The following PRELID2 variants were observed in gnomAD, a reference collection of about 807,000 sequenced individuals.
PRELID2 encodes PRELI domain containing 2, also known as PRELI domain-containing protein 2.
Under a neutral mutation model 28.4 loss-of-function variants are expected in PRELID2, and 25 were observed. That is an observed-to-expected ratio of 0.88 (90% confidence interval 0.64 to 1.23). The LOEUF (loss-of-function observed/expected upper bound fraction) is 1.23. Among genes scored for constraint, PRELID2 ranks in the 50% most tolerant of loss-of-function variants. The pLI is 0.00. For missense variants in PRELID2, 201 were observed against 214.4 expected, an observed-to-expected ratio of 0.94 and a Z score of 0.39; for synonymous variants, 76 against 71.6, an observed-to-expected ratio of 1.06 and a Z score of -0.31.
chr5:145,774,593 A>C (rs1758299159), intron 5 of PRELID2, among the ~76,000 whole-genome samples: 1 of 152,182 alleles, frequency 6.6e-6, no homozygotes, highest in African/African-American at 2.4e-5. Context: ...CCCCACATTC[A>C]GCTAGAGGCT....
chr5:145,334,879 T>C, the PRELID2 span, among the ~76,000 whole-genome samples: 1 of 152,138 alleles, frequency 6.6e-6, no homozygotes, highest in South Asian at 2.1e-4. Context: ...TCCTTGTGTG[T>C]CAAGTTGCTT....
At chr5:145,276,892 C>T in the PRELID2 span, among the ~76,000 whole-genome samples, 1 of 152,116 alleles carries the variant, frequency 6.6e-6, no homozygotes, top group Non-Finnish European at 1.5e-5. Flanking sequence ...ATGGTTATTT[C>T]CCCATTTAAC....
chr5:145,293,084 A>G, the PRELID2 span, among the ~76,000 whole-genome samples: 1 of 152,104 alleles, frequency 6.6e-6, no homozygotes, highest in Admixed American at 6.6e-5. Context: ...CAGAGCCTTT[A>G]TTCCCATTGA....
At chr5:145,307,941 G>A in the PRELID2 span, among the ~76,000 whole-genome samples, 1 of 152,180 alleles carries the variant, frequency 6.6e-6, no homozygotes, top group Non-Finnish European at 1.5e-5. Context: ...GGGCCTGTCT[G>A]TTTGACATAC....
At chr5:145,469,661 G>T (rs760630660), downstream of PRELID2, among the ~76,000 whole-genome samples, 2 of 152,122 alleles carry the variant, frequency 1.3e-5, no homozygotes, top group Non-Finnish European at 2.9e-5. Flanking sequence ...GATTACTTGT[G>T]ATGGGTAGGA....
At chr5:145,483,182 C>T (rs1481269084) in intron 1 of PRELID2, among the ~76,000 whole-genome samples, 1 of 152,150 alleles carries the variant, frequency 6.6e-6, no homozygotes, top group Non-Finnish European at 1.5e-5. Flanking sequence ...TGTGACTTTG[C>T]AGCAATGCCC....
chr5:145,788,728 G>A (rs1324384774), intron 5 of PRELID2, among the ~76,000 whole-genome samples: 1 of 151,912 alleles, frequency 6.6e-6, no homozygotes, highest in Non-Finnish European at 1.5e-5. Context: ...AATCATCTAT[G>A]TTTGCTGGCA....
At chr5:145,743,925 C>A (rs546560297) in intron 1 of PRELID2, among the ~76,000 whole-genome samples, 64 of 152,366 alleles carry the variant, frequency 4.2e-4, no homozygotes, top group African/African-American at 1.5e-3. Context: ...ACACGCTAAG[C>A]TCCCTGGGCC....
chr5:145,367,483 C>T, the PRELID2 span, among the ~76,000 whole-genome samples: 3 of 151,884 alleles, frequency 2.0e-5, no homozygotes, highest in Non-Finnish European at 4.4e-5. Context: ...CTACAGTTGA[C>T]ATTAGGATTC....
At chr5:145,725,998 C>G (rs989068875) in intron 1 of PRELID2, among the ~76,000 whole-genome samples, 1 of 151,932 alleles carries the variant, frequency 6.6e-6, no homozygotes, top group Non-Finnish European at 1.5e-5. Flanking sequence ...GCTAGGGCAA[C>G]ATAGTGAGAC....
At chr5:145,427,369 A>G in the PRELID2 span, among the ~76,000 whole-genome samples, 6 of 152,340 alleles carry the variant, frequency 3.9e-5, no homozygotes, top group South Asian at 1.2e-3. Context: ...ATCAGATTTA[A>G]GACTCTCCTC....
chr5:145,455,592 CATTTGTTTGTGTCCTCTTCT>C, the PRELID2 span, among the ~76,000 whole-genome samples: 1 of 152,252 alleles, frequency 6.6e-6, no homozygotes, highest in South Asian at 2.1e-4. Context: ...AATGTTTCTC[CATTTGTTTGTGTCCTCTTCT>C]ATTTCCTTGA....
At chr5:145,829,057 TTGGTGGTGG>T (rs879147587) in intron 1 of PRELID2, among the ~76,000 whole-genome samples, 2 of 148,882 alleles carry the variant, frequency 1.3e-5, no homozygotes, top group South Asian at 2.2e-4. Flanking sequence ...TTTGTTGTTG[TTGGTGGTGG>T]TGGTGGTGGT....
chr5:145,403,328 A>G, the PRELID2 span, among the ~76,000 whole-genome samples: 1 of 152,182 alleles, frequency 6.6e-6, no homozygotes, highest in African/African-American at 2.4e-5. Context: ...GCTTGAGCCC[A>G]GGAGTTCAAG....
At chr5:145,767,462 G>C (rs1757835863) in intron 5 of PRELID2, among the ~76,000 whole-genome samples, 5 of 152,152 alleles carry the variant, frequency 3.3e-5, no homozygotes, top group Admixed American at 3.3e-4. Context: ...GCAAGTGCAA[G>C]AGGCTGTCAC....
chr5:145,359,401 C>T, the PRELID2 span, among the ~76,000 whole-genome samples: 276 of 152,238 alleles, frequency 1.8e-3, 7 homozygotes, highest in East Asian at 0.043. Flanking sequence ...AATACGGCTG[C>T]AGGAAATGAG....
chr5:145,405,370 C>T, the PRELID2 span, among the ~76,000 whole-genome samples: 1 of 152,120 alleles, frequency 6.6e-6, no homozygotes, highest in Non-Finnish European at 1.5e-5. Context: ...GCTGTTCTTA[C>T]ATTACTATAA....
intron 1 of PRELID2, among the ~76,000 whole-genome samples, chr5:145,633,801 A>G (rs1753964561): frequency 6.6e-6 from 1 of 152,154 alleles, no homozygotes; most frequent in African/African-American, 2.4e-5. Context: ...TCTCACCTCT[A>G]TAGGCAAATG....
intron 5 of PRELID2, among the ~76,000 whole-genome samples, chr5:145,767,453 C>T (rs1757835541): frequency 6.6e-6 from 1 of 152,148 alleles, no homozygotes; most frequent in South Asian, 2.1e-4. Flanking sequence ...GAGCCGGGTG[C>T]AAGTGCAAGA....
Sources: allele counts gnomAD v4.1 joint callset (sites outside exome capture counted in the v4.1 genomes callset), GRCh38; gene constraint gnomAD v4.1.1; transcripts MANE v1.5; gene names NCBI Gene and HGNC (gene_info 2026-07-23, HGNC 2026-07-21).